The following MITF variants were observed in gnomAD, a reference collection of about 807,000 sequenced individuals.
MITF encodes microphthalmia-associated transcription factor.
A neutral mutation model predicts 60.5 loss-of-function variants in MITF; 17 were observed. The observed-to-expected ratio is 0.28, with a 90% CI of 0.19 to 0.42. The LOEUF is 0.42. Among genes scored for constraint, MITF ranks in the 10% least tolerant of loss-of-function variants. The probability of loss-of-function intolerance (pLI) is 1.00; values close to 1 mark genes in which losing one functional copy is unlikely to be tolerated. For missense variants in MITF, 622 were observed against 683.5 expected (o/e 0.91, Z 1.00); for synonymous variants, 260 against 248.5 (o/e 1.05, Z -0.43).
chr3:69,817,685 G>A (rs1158160163), intron 1 of MITF, among the ~76,000 whole-genome samples: 1 of 152,090 alleles, frequency 6.6e-6, no homozygotes, highest in African/African-American at 2.4e-5. Flanking sequence ...AAATATTCCA[G>A]ATAACATTTT....
intron 1 of MITF, among the ~76,000 whole-genome samples, chr3:69,827,977 C>T (rs756953264): frequency 1.3e-5 from 2 of 152,170 alleles, no homozygotes; most frequent in African/African-American, 2.4e-5. Context: ...AAGCTCTGTG[C>T]AGCTTCAAAG....
chr3:69,915,766 C>T (rs1413383618), intron 2 of MITF, among the ~76,000 whole-genome samples: 1 of 152,160 alleles, frequency 6.6e-6, no homozygotes, highest in Admixed American at 6.5e-5. Context: ...GCAATGGAAG[C>T]CTGCTTCTCT....
intron 1 of MITF, among the ~76,000 whole-genome samples, chr3:69,818,316 T>C (rs566462260): frequency 1.3e-5 from 2 of 152,302 alleles, no homozygotes; most frequent in South Asian, 4.1e-4. Context: ...TTTTTATCCT[T>C]CTTCTGTTTC....
intron 1 of MITF, among the ~76,000 whole-genome samples, chr3:69,815,285 G>GC (rs1462597366): frequency 6.6e-6 from 1 of 152,096 alleles, no homozygotes; most frequent in Non-Finnish European, 1.5e-5. Flanking sequence ...ACCGTTTCCT[G>GC]CTCACATTGT....
intron 2 of MITF, among the ~76,000 whole-genome samples, chr3:69,933,967 G>T (rs1023730673): frequency 6.6e-6 from 1 of 152,156 alleles, no homozygotes; most frequent in Non-Finnish European, 1.5e-5. Flanking sequence ...GGGCTATAGA[G>T]CCTCATAATA....
intron 2 of MITF, among the ~76,000 whole-genome samples, chr3:69,899,680 T>C (rs1023906782): frequency 6.6e-6 from 1 of 152,122 alleles, no homozygotes; most frequent in African/African-American, 2.4e-5. Flanking sequence ...CAGAAGAACA[T>C]GAAGGTTTCT....
chr3:69,825,775 G>T (rs2063344352), intron 1 of MITF, among the ~76,000 whole-genome samples: 2 of 152,150 alleles, frequency 1.3e-5, no homozygotes, highest in African/African-American at 4.8e-5. Context: ...AACTGACCAA[G>T]AGTGAGGTTA....
At chr3:69,936,947 C>A in intron 2 of MITF, 16 of 272,912 alleles carry the variant, frequency 5.9e-5, no homozygotes, top group Non-Finnish European at 7.8e-5. Context: ...TAGTAGGATT[C>A]TTTTTTTTTT....
At chr3:69,759,847 G>A (rs994337993) in intron 1 of MITF, among the ~76,000 whole-genome samples, 1 of 151,912 alleles carries the variant, frequency 6.6e-6, no homozygotes, top group Non-Finnish European at 1.5e-5. Context: ...GCACGATCTC[G>A]GCTCACTGCA....
chr3:69,936,610 C>G, intron 2 of MITF: 2 of 1,560,564 alleles, frequency 1.3e-6, no homozygotes, highest in Non-Finnish European at 1.7e-6. Flanking sequence ...CTCGGGATAC[C>G]TTGTTTATAG....
intron 1 of MITF, among the ~76,000 whole-genome samples, chr3:69,782,229 A>G (rs1005237219): frequency 1.3e-5 from 2 of 152,236 alleles, no homozygotes; most frequent in South Asian, 2.1e-4. Flanking sequence ...TAAATAAGGC[A>G]TGAGCCATTT....
chr3:69,832,372 T>G (rs9828924), intron 1 of MITF, among the ~76,000 whole-genome samples: 76,093 of 152,092 alleles, frequency 0.5, 20,755 homozygotes, highest in Non-Finnish European at 0.63. Context: ...TTATGCAGGT[T>G]CTGGCCCTGC....
At chr3:69,902,289 A>G (rs748469535) in intron 2 of MITF, among the ~76,000 whole-genome samples, 49 of 152,064 alleles carry the variant, frequency 3.2e-4, no homozygotes, top group Non-Finnish European at 5.7e-4. Flanking sequence ...CCATTTACAT[A>G]AATTAATAAG....
At chr3:69,925,355 C>T (rs140830063) in intron 2 of MITF, among the ~76,000 whole-genome samples, 4 of 152,148 alleles carry the variant, frequency 2.6e-5, no homozygotes, top group East Asian at 1.9e-4. Flanking sequence ...GACAGTGGGT[C>T]GTATTCTTAG....
intron 1 of MITF, among the ~76,000 whole-genome samples, chr3:69,740,015 G>A (rs1336588903): frequency 6.6e-6 from 1 of 152,120 alleles, no homozygotes; most frequent in Non-Finnish European, 1.5e-5. Flanking sequence ...GCGACCTGGC[G>A]CGATGTGGGG....
At chr3:69,780,381 A>G (rs767700842) in intron 1 of MITF, among the ~76,000 whole-genome samples, 1 of 152,228 alleles carries the variant, frequency 6.6e-6, no homozygotes. Flanking sequence ...AAGAAGATGC[A>G]TGCCAATGAG....
At chr3:69,834,816 C>T (rs948680122) in intron 1 of MITF, among the ~76,000 whole-genome samples, 2 of 150,660 alleles carry the variant, frequency 1.3e-5, no homozygotes, top group South Asian at 2.1e-4. Flanking sequence ...TCCTTTTTCT[C>T]CACATCCTCA....
At chr3:69,863,545 T>C (rs1164212198) in intron 1 of MITF, among the ~76,000 whole-genome samples, 1 of 152,190 alleles carries the variant, frequency 6.6e-6, no homozygotes, top group African/African-American at 2.4e-5. Context: ...CTGGAATTGA[T>C]ACCATTGGTT....
At chr3:69,883,208 ATC>A (rs888758654) in intron 2 of MITF, among the ~76,000 whole-genome samples, 3 of 152,152 alleles carry the variant, frequency 2.0e-5, no homozygotes, top group Admixed American at 6.5e-5. Flanking sequence ...TCTCCAAATC[ATC>A]TCAAGAGTTG....
Sources: gnomAD v4.1 joint callset for allele counts (sites outside exome capture counted in the v4.1 genomes callset) on GRCh38, gnomAD v4.1.1 for gene constraint, MANE v1.5 for transcripts, NCBI Gene and HGNC (gene_info 2026-07-23, HGNC 2026-07-21) for gene names.